PTPRG: variants seen among roughly 807,000 people sequenced by gnomAD.
PTPRG encodes protein tyrosine phosphatase receptor type G, also known as receptor-type tyrosine-protein phosphatase gamma.
PTPRG carries 102 observed loss-of-function variants against 165.3 expected under a neutral mutation model. The observed-to-expected ratio is 0.62, with a 90% CI of 0.53 to 0.73. The LOEUF (loss-of-function observed/expected upper bound fraction) is 0.73. PTPRG is among the 30% of genes least tolerant of loss of function. The pLI, the probability that PTPRG is intolerant of heterozygous loss-of-function variation, is 0.00. For missense variants in PTPRG, 1,866 were observed against 1,861.4 expected, an observed-to-expected ratio of 1.00 and a Z score of -0.05; for synonymous variants, 675 against 669.5, an observed-to-expected ratio of 1.01 and a Z score of -0.13.
intron 6 of PTPRG, among the ~76,000 whole-genome samples, chr3:62,140,456 C>G (rs1396248086): frequency 6.6e-6 from 1 of 152,116 alleles, no homozygotes; most frequent in East Asian, 1.9e-4. Context: ...TAGATTTACA[C>G]AAAAGCAAAA....
At chr3:62,065,437 C>G (rs1700980126) in intron 4 of PTPRG, among the ~76,000 whole-genome samples, 1 of 152,180 alleles carries the variant, frequency 6.6e-6, no homozygotes, top group Non-Finnish European at 1.5e-5. Context: ...GTGATGGACA[C>G]TGTTCAGTGA....
At chr3:62,164,473 G>A (rs372538040) in intron 7 of PTPRG, among the ~76,000 whole-genome samples, 24 of 152,170 alleles carry the variant, frequency 1.6e-4, no homozygotes, top group East Asian at 1.4e-3. Context: ...AGTGAATGCC[G>A]CCAACCCACA....
chr3:61,846,399 C>T (rs2036806520), intron 2 of PTPRG, among the ~76,000 whole-genome samples: 1 of 152,090 alleles, frequency 6.6e-6, no homozygotes, highest in Non-Finnish European at 1.5e-5. Flanking sequence ...AGGAAACAGC[C>T]ACTGGGGCAG....
rs142269301 is a variant in PTPRG at position 61,988,851 on chromosome 3, A to C, written c.191-774A>C. Among the ~76,000 whole-genome samples, 269 of 152,326 alleles carry C rather than the reference A, an allele frequency of 1.8e-3. 1 individual carries two copies. Among genetic ancestry groups the C allele is most frequent in the Admixed American group, 3.0e-3 (46 of 15,294 alleles). ...TATTTCATTTCCAAATAGGACAGGGAGGCAAATGCAGTGTGTTTTCTGTAT... is the reference window on the plus strand; with the variant it reads ...TATTTCATTTCCAAATAGGACAGGGCGGCAAATGCAGTGTGTTTTCTGTAT... On this transcript the variant is annotated intron_variant, in intron 2 of 29. Transcript: ENST00000474889.
intron 1 of PTPRG, among the ~76,000 whole-genome samples, chr3:61,564,087 C>T (rs746217143): frequency 2.0e-5 from 3 of 152,120 alleles, no homozygotes; most frequent in Admixed American, 2.0e-4. Flanking sequence ...CCTGCCTCTA[C>T]GGCCTCTACG....
chr3:61,872,794 G>A (rs1433348113), intron 2 of PTPRG, among the ~76,000 whole-genome samples: 1 of 152,134 alleles, frequency 6.6e-6, no homozygotes, highest in Non-Finnish European at 1.5e-5. Flanking sequence ...GGGCCAGTTT[G>A]GATATGACTC....
intron 1 of PTPRG, among the ~76,000 whole-genome samples, chr3:61,723,651 G>A (rs545281261): frequency 6.6e-6 from 1 of 152,164 alleles, no homozygotes; most frequent in African/African-American, 2.4e-5. Context: ...AGTACAGAGC[G>A]GTCCCATATA....
intron 2 of PTPRG, among the ~76,000 whole-genome samples, chr3:61,970,496 T>C (rs1193947040): frequency 1.3e-5 from 2 of 152,224 alleles, no homozygotes; most frequent in Non-Finnish European, 2.9e-5. Context: ...AAGTAATACT[T>C]GACAAATATT....
chr3:61,644,855 G>A (rs1194315992), intron 1 of PTPRG, among the ~76,000 whole-genome samples: 1 of 152,190 alleles, frequency 6.6e-6, no homozygotes, highest in Non-Finnish European at 1.5e-5. Context: ...TTTGGAACAG[G>A]CAATACACTC....
At chr3:61,694,702 G>T (rs921722284) in intron 1 of PTPRG, among the ~76,000 whole-genome samples, 6 of 152,206 alleles carry the variant, frequency 3.9e-5, no homozygotes, top group African/African-American at 1.4e-4. Flanking sequence ...TATTTGTGCA[G>T]TGGGGCACGA....
At chr3:61,942,484 T>A (rs9840800) in intron 2 of PTPRG, among the ~76,000 whole-genome samples, 52,993 of 152,178 alleles carry the variant, frequency 0.35, 10,542 homozygotes, top group African/African-American at 0.53. Context: ...ATTGAGTCAA[T>A]TTTAGGTTCA....
chr3:61,829,088 A>G (rs553943472), intron 2 of PTPRG, among the ~76,000 whole-genome samples: 46 of 152,284 alleles, frequency 3.0e-4, no homozygotes, highest in African/African-American at 9.6e-4. Context: ...GTACGTGCCT[A>G]TGAGTGAGAG....
intron 1 of PTPRG, among the ~76,000 whole-genome samples, chr3:61,665,488 A>ACG (rs1260370974): frequency 7.2e-5 from 11 of 151,834 alleles, no homozygotes; most frequent in Admixed American, 1.3e-4. Flanking sequence ...ACACACACAC[A>ACG]CACACACACA....
Position 62,203,700 on chromosome 3 carries a change from G to T in PTPRG, c.1905G>T (p.Glu635Asp). ...PTPSSPNRTAEGGHQTIPGHE... is the reference protein window; with the variant it reads ...PTPSSPNRTADGGHQTIPGHE... Reference sequence around the variant, plus strand: ...CCTCGTCTCCTAACAGGACTGCCGAGGGAGGGCATCAGACTATACCTGGGC... The same window carrying T: ...CCTCGTCTCCTAACAGGACTGCCGATGGAGGGCATCAGACTATACCTGGGC... Residue 635 changes from glutamate (E) to aspartate (D), a missense_variant, in exon 12 of 30, where the codon GAG becomes GAT. Physicochemically the swap from Glu to Asp is conservative, Grantham distance 45. Around this residue, in one of 3 missense-constraint regions of PTPRG, gnomAD observed 1,452 missense variants for 1,463.0 expected, o/e 0.99. Coordinates refer to ENST00000474889, the MANE Select transcript of PTPRG (RefSeq NM_002841.4). This position sits in a 1 kb window ranked among gnomAD's most constrained non-coding sequence, Gnocchi z 6.4. 6.3e-7 allele frequency: 1 copy of T among 1,579,194 alleles called. No homozygotes were observed.
chr3:61,649,007 T>C (rs925823231), intron 1 of PTPRG, among the ~76,000 whole-genome samples: 5 of 152,230 alleles, frequency 3.3e-5, no homozygotes, highest in African/African-American at 1.2e-4. Context: ...AACAGTCATA[T>C]GTGAGTTTAT....
intron 4 of PTPRG, among the ~76,000 whole-genome samples, chr3:62,062,280 C>G (rs147574902): frequency 0.01 from 1,523 of 152,216 alleles, 17 homozygotes; most frequent in Middle Eastern, 0.02. Context: ...TCCTGGGCAA[C>G]AAAAGCGAAA....
intron 1 of PTPRG, among the ~76,000 whole-genome samples, chr3:61,692,424 G>A (rs116187259): frequency 6.6e-6 from 1 of 152,308 alleles, no homozygotes; most frequent in South Asian, 2.1e-4. Context: ...GGCACATGTT[G>A]TTTGGTAGAT....
chr3:61,856,945 A>G (rs993003506), intron 2 of PTPRG, among the ~76,000 whole-genome samples: 3 of 152,192 alleles, frequency 2.0e-5, no homozygotes, highest in South Asian at 2.1e-4. Flanking sequence ...CTGTCGCTCA[A>G]GCTGATGACT....
chr3:61,818,131 T>G (rs1424685060), intron 2 of PTPRG, among the ~76,000 whole-genome samples: 1 of 152,170 alleles, frequency 6.6e-6, no homozygotes, highest in Non-Finnish European at 1.5e-5. Flanking sequence ...TTTGGGAATA[T>G]TTATTTTACA....
Sources: allele counts gnomAD v4.1 joint callset (sites outside exome capture counted in the v4.1 genomes callset), GRCh38; gene constraint gnomAD v4.1.1; regional missense constraint gnomAD v4.1.1; non-coding constraint Gnocchi (gnomAD v3.1); transcripts MANE v1.5; gene names NCBI Gene and HGNC (gene_info 2026-07-23, HGNC 2026-07-21).